RBFOX1: variants seen among roughly 807,000 people sequenced by gnomAD.
The protein encoded by RBFOX1 is RNA binding protein fox-1 homolog 1.
RBFOX1 carries 8 observed loss-of-function variants against 57.7 expected under a neutral mutation model. The observed-to-expected ratio is 0.14, with a 90% CI of 0.08 to 0.25. The LOEUF (loss-of-function observed/expected upper bound fraction) is 0.25, where lower values mean the gene tolerates loss of function less well. RBFOX1 is among the 10% of genes least tolerant of loss of function. The pLI, the probability that RBFOX1 is intolerant of heterozygous loss-of-function variation, is 1.00. For missense variants in RBFOX1, 611 were observed against 548.5 expected, an observed-to-expected ratio of 1.11 and a Z score of -1.14; for synonymous variants, 326 against 222.4, an observed-to-expected ratio of 1.47 and a Z score of -4.15.
In RBFOX1 at chr16:7,181,546, T is replaced by G. The variant is rs888758244; in HGVS notation, c.27+129448T>G. 9.9e-3 allele frequency among the ~76,000 whole-genome samples: 1,445 copies of G among 145,976 alleles called. 25 individuals are homozygous for G. The highest frequency in any genetic ancestry group is 0.038 in the African/African-American group (1,364 of 35,916). ...CTTCCCTCCCTTGCTCTCTCTCTCT[T>G]TCTCTCATCTCTCTTTCTCTCTTCC... is the stretch of plus-strand genomic sequence containing the variant. On this transcript the variant is annotated intron_variant, in intron 4 of 15. Transcript: ENST00000550418.
At chr16:6,332,184 T>C (rs2083121996) in intron 2 of RBFOX1, among the ~76,000 whole-genome samples, 1 of 152,146 alleles carries the variant, frequency 6.6e-6, no homozygotes, top group Non-Finnish European at 1.5e-5. Context: ...TGAGGAAGAA[T>C]AATTGAATGA....
At chr16:7,069,010 A>G (rs2056765793) in intron 4 of RBFOX1, among the ~76,000 whole-genome samples, 1 of 152,224 alleles carries the variant, frequency 6.6e-6, no homozygotes, top group Non-Finnish European at 1.5e-5. Flanking sequence ...GTGTCACTTA[A>G]GTGCTAAGTA....
intron 4 of RBFOX1, among the ~76,000 whole-genome samples, chr16:5,999,892 A>G (rs1186324228): frequency 1.2e-5 from 1 of 80,568 alleles, no homozygotes; most frequent in African/African-American, 4.2e-5. Context: ...AAAAAAAAAA[A>G]AAAAAAAAAA....
chr16:5,685,782 G>A (rs530247024), intron 3 of RBFOX1, among the ~76,000 whole-genome samples: 1 of 152,206 alleles, frequency 6.6e-6, no homozygotes, highest in Admixed American at 6.5e-5. Flanking sequence ...TGCAGAACAA[G>A]TTGGCAGACA....
chr16:7,544,690 TGA>T (rs2083913917), intron 5 of RBFOX1, among the ~76,000 whole-genome samples: 1 of 152,220 alleles, frequency 6.6e-6, no homozygotes, highest in Non-Finnish European at 1.5e-5. Flanking sequence ...TCTGGAACTG[TGA>T]GAGATTACCT....
chr16:7,416,586 C>G (rs2098480140), intron 4 of RBFOX1, among the ~76,000 whole-genome samples: 1 of 152,110 alleles, frequency 6.6e-6, no homozygotes, highest in Non-Finnish European at 1.5e-5. Flanking sequence ...CTGGGGACAG[C>G]CTTCTTGTCT....
At chr16:7,013,392 C>T (rs2093745253) in intron 3 of RBFOX1, among the ~76,000 whole-genome samples, 1 of 152,060 alleles carries the variant, frequency 6.6e-6, no homozygotes, top group Admixed American at 6.6e-5. Flanking sequence ...ACTTTCTGAC[C>T]CAGAGAACAT....
chr16:5,434,446 T>C (rs2067853946), intron 1 of RBFOX1, among the ~76,000 whole-genome samples: 1 of 150,392 alleles, frequency 6.6e-6, no homozygotes, highest in South Asian at 2.1e-4. Flanking sequence ...CTTAGCCTCC[T>C]GAGTAGCTGG....
At chr16:5,841,487 C>T (rs2056624459) in intron 3 of RBFOX1, among the ~76,000 whole-genome samples, 1 of 152,268 alleles carries the variant, frequency 6.6e-6, no homozygotes, top group African/African-American at 2.4e-5. Context: ...AAAAAATTGC[C>T]AGATATAACA....
At chr16:6,844,642 A>G (rs1050866203) in intron 3 of RBFOX1, among the ~76,000 whole-genome samples, 1 of 152,130 alleles carries the variant, frequency 6.6e-6, no homozygotes, top group Non-Finnish European at 1.5e-5. Flanking sequence ...TGCTGCAATT[A>G]ACTTACATGT....
intron 1 of RBFOX1, among the ~76,000 whole-genome samples, chr16:6,054,209 C>T (rs2095586715): frequency 1.3e-5 from 2 of 151,986 alleles, no homozygotes; most frequent in African/African-American, 4.8e-5. Flanking sequence ...TTATTTCATC[C>T]TGCTCTGCTT....
At chr16:6,132,267 C>T (rs2096635092) in intron 1 of RBFOX1, among the ~76,000 whole-genome samples, 3 of 152,054 alleles carry the variant, frequency 2.0e-5, no homozygotes, top group South Asian at 2.1e-4. Flanking sequence ...TATTTCCAGC[C>T]CCCTGGCAGT....
intron 7 of RBFOX1, 134 bp from the exon 8 acceptor site, chr16:7,595,415 A>G: frequency 1.7e-6 from 1 of 591,852 alleles, no homozygotes; most frequent in Non-Finnish European, 2.8e-6. Context: ...TACTCTTATA[A>G]TTTCTCTAAT....
intron 4 of RBFOX1, among the ~76,000 whole-genome samples, chr16:7,251,322 CCA>C (rs1220563088): frequency 6.6e-6 from 1 of 151,992 alleles, no homozygotes; most frequent in Non-Finnish European, 1.5e-5. Flanking sequence ...CCAGGTTCAT[CCA>C]CAGTGTTGCA....
At chr16:6,102,911 G>T (rs1330741559) in intron 1 of RBFOX1, among the ~76,000 whole-genome samples, 1 of 152,140 alleles carries the variant, frequency 6.6e-6, no homozygotes, top group Admixed American at 6.5e-5. Context: ...TTAGAAGAAA[G>T]TGATGGAGTC....
chr16:6,277,460 A>C (rs1160052862), intron 1 of RBFOX1, among the ~76,000 whole-genome samples: 4 of 12,712 alleles, frequency 3.1e-4, no homozygotes, highest in South Asian at 3.5e-3. Flanking sequence ...CTGTCTCCCA[A>C]AAAAAAAAAA....
At chr16:6,377,883 G>C (rs1328389609) in intron 2 of RBFOX1, among the ~76,000 whole-genome samples, 1 of 152,154 alleles carries the variant, frequency 6.6e-6, no homozygotes, top group Non-Finnish European at 1.5e-5. Flanking sequence ...CCTGCTCCCA[G>C]CTGAGCCGGG....
At position 6,638,542 on chromosome 16, in the gene RBFOX1, A is replaced by G. The variant is rs548665965; in HGVS notation, c.-63-16061A>G. On this transcript the variant is annotated intron_variant, in intron 2 of 15. Transcript: ENST00000550418. The stretch of plus-strand genomic sequence containing the variant: ...TACTACCATGTTGTCAAACTTAGAA[A>G]TATTGCAGTGGAAGCAAAACCAAGA... 2.0e-5 allele frequency among the ~76,000 whole-genome samples: 3 copies of G among 152,322 alleles called. 1 individual carries two copies. In the South Asian group the frequency reaches 6.2e-4, roughly 32 times the overall value.
chr16:6,690,171 T>G (rs1240943018), intron 3 of RBFOX1, among the ~76,000 whole-genome samples: 1 of 152,210 alleles, frequency 6.6e-6, no homozygotes, highest in African/African-American at 2.4e-5. Context: ...AATAAATGTT[T>G]TATTACTCAT....
Sources: gnomAD v4.1 joint callset for allele counts (sites outside exome capture counted in the v4.1 genomes callset) on GRCh38, gnomAD v4.1.1 for gene constraint, MANE v1.5 for transcripts, NCBI Gene and HGNC (gene_info 2026-07-23, HGNC 2026-07-21) for gene names.